The following CTDP1 variants were observed in gnomAD, a reference collection of about 807,000 sequenced individuals.
CTDP1 encodes the protein RNA polymerase II subunit A C-terminal domain phosphatase.
In CTDP1, 47 loss-of-function variants were observed where a neutral mutation model predicts 91.8. The observed-to-expected ratio is 0.51, with a 90% confidence interval of 0.41 to 0.65. The LOEUF (loss-of-function observed/expected upper bound fraction) is 0.65. Ranked by LOEUF, CTDP1 falls within the 30% of genes least tolerant of loss-of-function variation. CTDP1 has a pLI of 0.00. For synonymous variants in CTDP1, 656 were observed against 598.5 expected, an observed-to-expected ratio of 1.10 and a Z score of -1.40; for missense variants, 1,272 against 1,373.7, an observed-to-expected ratio of 0.93 and a Z score of 1.17.
Position 79,729,005 on chromosome 18 carries a change from G to T in CTDP1, c.2516G>T (p.Ser839Ile). 6.2e-7 allele frequency: 1 copy of T among 1,614,186 alleles called. No homozygotes were observed. The highest frequency in any genetic ancestry group is 8.5e-7 in the Non-Finnish European group (1 of 1,180,054). Reference sequence around the variant, plus strand: ...CCTTCTAGAAGAAAGCGACAGCCCAGTATGTCTGAGACAATGCCGCTGTAC... The same window carrying T: ...CCTTCTAGAAGAAAGCGACAGCCCATTATGTCTGAGACAATGCCGCTGTAC... ...PGPSRRKRQP[S>I]MSETMPLYTL... Residue 839 changes from serine (S) to isoleucine (I), a missense_variant, in exon 11 of 13, where the codon AGT becomes ATT. Physicochemically the swap from Ser to Ile is moderately radical, Grantham distance 142. Coordinates refer to ENST00000613122, the MANE Select transcript of CTDP1 (RefSeq NM_004715.5).
At chr18:79,733,547 G>T (rs1439848713) in intron 11 of CTDP1, among the ~76,000 whole-genome samples, 1 of 151,954 alleles carries the variant, frequency 6.6e-6, no homozygotes, top group African/African-American at 2.4e-5. Flanking sequence ...TGCCTGTTCT[G>T]CTGGGCCCCA....
At chr18:79,704,344 T>C (rs559877837) in intron 4 of CTDP1, among the ~76,000 whole-genome samples, 2 of 151,108 alleles carry the variant, frequency 1.3e-5, no homozygotes, top group South Asian at 4.2e-4. Context: ...ACGCATCCTC[T>C]GTCCCACGTG....
rs140538707 is a variant in CTDP1, at chr18:79,753,648, G to A, written c.2748-4G>A. 6.2e-7 allele frequency: 1 copy of A among 1,614,130 alleles called. No homozygotes were observed. The highest frequency in any genetic ancestry group is 1.1e-5 in the South Asian group (1 of 91,076). On this transcript the variant is annotated splice_region_variant and splice_polypyrimidine_tract_variant and intron_variant, in intron 12 of 12. Coordinates refer to ENST00000613122, the MANE Select transcript of CTDP1 (RefSeq NM_004715.5). Reference sequence around the variant, plus strand: ...CATCTCACACCATGTTTGCTTCTCTGCAGAGGCCACAAGAGGAAGCTGAAT... The same window carrying A: ...CATCTCACACCATGTTTGCTTCTCTACAGAGGCCACAAGAGGAAGCTGAAT...
At chr18:79,694,064 G>T (rs879397566) in intron 1 of CTDP1, among the ~76,000 whole-genome samples, 1 of 152,376 alleles carries the variant, frequency 6.6e-6, no homozygotes, top group Admixed American at 6.5e-5. Context: ...GGGGCATCCC[G>T]CCTGGAAAGG....
At position 79,738,491 on chromosome 18, in the gene CTDP1, G is replaced by C. The variant is rs556397507; in HGVS notation, c.2747+1970G>C. Among the ~76,000 whole-genome samples the C allele has an allele frequency of 3.3e-5, 5 of 152,350 alleles. 1 individual carries two copies. The highest frequency in any genetic ancestry group is 3.3e-4 in the Admixed American group (5 of 15,300). On this transcript the variant is annotated intron_variant, in intron 12 of 12. Coordinates refer to ENST00000613122, the MANE Select transcript of CTDP1 (RefSeq NM_004715.5). ...GCCAGCCTCGGAGGAGCTGCTCCCA[G>C]CTTCAGCAGGCTAGCAGGGGGCACT...
At chr18:79,694,171 A>G (rs1178105916) in intron 1 of CTDP1, among the ~76,000 whole-genome samples, 4 of 146,640 alleles carry the variant, frequency 2.7e-5, no homozygotes, top group African/African-American at 1.0e-4. Flanking sequence ...GGCTGTGAGC[A>G]CCTAGGGGCG....
chr18:79,736,087 T>G, intron 11 of CTDP1: 2 of 545,684 alleles, frequency 3.7e-6, no homozygotes, highest in South Asian at 4.3e-5. Flanking sequence ...ATAAAGTCCC[T>G]GTTCACATAA....
At chr18:79,705,061 T>C (rs1439094610) in intron 5 of CTDP1, 144 bp downstream of exon 5, 1 of 1,323,734 alleles carries the variant, frequency 7.6e-7, no homozygotes, top group Admixed American at 2.0e-5. Flanking sequence ...TGCAGGGGGT[T>C]GTGAGAGGTA....
intron 5 of CTDP1, among the ~76,000 whole-genome samples, chr18:79,706,985 T>C (rs1256033444): frequency 6.6e-6 from 1 of 152,270 alleles, no homozygotes; most frequent in African/African-American, 2.4e-5. Context: ...TCATTTCGGA[T>C]TTCCTTCTCC....
chr18:79,756,255 C>G (rs1371455807), downstream of CTDP1: 2 of 152,404 alleles, frequency 1.3e-5, no homozygotes, highest in Admixed American at 1.3e-4. Context: ...GGGGACCCCA[C>G]TGCAGGGACT....
At chr18:79,688,323 G>A (rs1370045501) in intron 1 of CTDP1, among the ~76,000 whole-genome samples, 3 of 152,356 alleles carry the variant, frequency 2.0e-5, no homozygotes, top group East Asian at 1.9e-4. Flanking sequence ...GGAGTGCAGC[G>A]GTGCAATCTC....
In CTDP1 at chr18:79,753,633, C is replaced by T. The variant is rs1312339885; in HGVS notation, c.2748-19C>T. ...TGCGTTTGCCACAAGCATCTCACAC[C>T]ATGTTTGCTTCTCTGCAGAGGCCAC... On this transcript the variant is annotated intron_variant, in intron 12 of 12. Coordinates refer to ENST00000613122, the MANE Select transcript of CTDP1 (RefSeq NM_004715.5). 1 of 1,614,090 alleles carries T rather than the reference C, an allele frequency of 6.2e-7. No individual in the cohort carries two copies. Among genetic ancestry groups the T allele is most frequent in the South Asian group, 1.1e-5 (1 of 91,078 alleles).
chr18:79,725,639 G>A (rs1269522846), intron 10 of CTDP1, among the ~76,000 whole-genome samples: 3 of 151,828 alleles, frequency 2.0e-5, no homozygotes, highest in African/African-American at 4.8e-5. Flanking sequence ...GAACTCGAGC[G>A]GAGTCTCCGG....
At chr18:79,722,337 TAAAC>T (rs1300013432) in intron 10 of CTDP1, among the ~76,000 whole-genome samples, 1 of 152,234 alleles carries the variant, frequency 6.6e-6, no homozygotes, top group African/African-American at 2.4e-5. Flanking sequence ...TGGCACGTCA[TAAAC>T]AACTGTTTAG....
At chr18:79,702,025 A>G (rs1261570597) in intron 4 of CTDP1, among the ~76,000 whole-genome samples, 1 of 152,226 alleles carries the variant, frequency 6.6e-6, no homozygotes, top group East Asian at 1.9e-4. Context: ...GAAATGACCA[A>G]AAAGGATTTG....
intron 10 of CTDP1, among the ~76,000 whole-genome samples, chr18:79,721,645 T>TG (rs2122686915): frequency 6.6e-6 from 1 of 152,244 alleles, no homozygotes; most frequent in Admixed American, 6.5e-5. Context: ...CCCAGTGCTT[T>TG]GGGAGGTGGA....
rs371860480 is a variant in CTDP1 at position 79,696,123 on chromosome 18, G to A, written c.492+53G>A. The A allele has an allele frequency of 2.6e-5, 39 of 1,515,422 alleles. No homozygotes were observed. The South Asian group carries it at 4.0e-4, about 15-fold the overall frequency. The allele number at this position is 1,515,422 out of a possible 1,614,324, so 93.9% of individuals were successfully genotyped here. ...TGGGGAAGCGTGGTGCTCTGAGGAGGGCGGCTGCAGGAGGAGGGTGGCTGC... is the reference window on the plus strand; with the variant it reads ...TGGGGAAGCGTGGTGCTCTGAGGAGAGCGGCTGCAGGAGGAGGGTGGCTGC... On this transcript the variant is annotated intron_variant, in intron 3 of 12. Transcript: ENST00000613122.
chr18:79,726,035 G>A (rs1386886762), intron 10 of CTDP1, among the ~76,000 whole-genome samples: 1 of 152,172 alleles, frequency 6.6e-6, no homozygotes, highest in Non-Finnish European at 1.5e-5. Context: ...TGCTTTTTGA[G>A]TTGGAAGGTT....
chr18:79,750,346 C>T (rs2086970801), intron 12 of CTDP1, among the ~76,000 whole-genome samples: 1 of 152,130 alleles, frequency 6.6e-6, no homozygotes, highest in Non-Finnish European at 1.5e-5. Context: ...CCGACACTCC[C>T]AGCTAATTTG....
Sources: allele counts gnomAD v4.1 joint callset (sites outside exome capture counted in the v4.1 genomes callset), GRCh38; gene constraint gnomAD v4.1.1; transcripts MANE v1.5; gene names NCBI Gene and HGNC (gene_info 2026-07-23, HGNC 2026-07-21).